Variants in RAD18 observed in about 807,000 individuals in gnomAD.
RAD18 encodes the protein E3 ubiquitin-protein ligase RAD18.
Under a neutral mutation model 60.4 loss-of-function variants are expected in RAD18, and 47 were observed. The observed-to-expected ratio is 0.78, with a 90% CI of 0.62 to 0.99. The LOEUF is 0.99. RAD18 is among the 50% of genes least tolerant of loss of function. RAD18 has a pLI of 0.00. For missense variants in RAD18, 640 were observed against 593.3 expected, an observed-to-expected ratio of 1.08 and a Z score of -0.82; for synonymous variants, 225 against 195.5, an observed-to-expected ratio of 1.15 and a Z score of -1.26.
intron 1 of RAD18, among the ~76,000 whole-genome samples, chr3:8,960,617 CATA>C (rs1941081854): frequency 6.6e-6 from 1 of 152,232 alleles, no homozygotes; most frequent in South Asian, 2.1e-4. Context: ...GCCAATAATA[CATA>C]ATAATAACAA....
rs1939429342 is a variant in RAD18 at position 8,879,920 on chromosome 3, T to C, written c.*1437A>G. 6.6e-6 allele frequency: 1 copy of C among 152,272 alleles called. No individual in the cohort carries two copies. The allele number at this position is 152,272 out of a possible 1,614,324, so 9.4% of individuals were successfully genotyped here. On this transcript the variant is annotated 3_prime_UTR_variant, in exon 13 of 13. Transcript: ENST00000264926. ...AATTTATAGACTATATAATTTGTCA[T>C]GAAACAAACAGTTTTCATTTTGACA...
At chr3:8,926,100 T>G (rs2125061052) in intron 7 of RAD18, among the ~76,000 whole-genome samples, 1 of 152,078 alleles carries the variant, frequency 6.6e-6, no homozygotes, top group East Asian at 1.9e-4. Flanking sequence ...GGTATTCAAT[T>G]AGGAAAAGAG....
intron 2 of RAD18, among the ~76,000 whole-genome samples, chr3:8,956,745 T>G (rs112718433): frequency 0.053 from 5,326 of 100,240 alleles, 134 homozygotes; most frequent in Middle Eastern, 0.07. Context: ...CACCCATTCA[T>G]GATTTAAAAA....
chr3:8,920,899 A>G (rs1940307397), intron 7 of RAD18, among the ~76,000 whole-genome samples: 1 of 152,250 alleles, frequency 6.6e-6, no homozygotes, highest in Non-Finnish European at 1.5e-5. Flanking sequence ...AAAAATCTAC[A>G]AAGGTTATTA....
intron 2 of RAD18, among the ~76,000 whole-genome samples, chr3:8,953,249 T>C (rs938724201): frequency 6.6e-6 from 1 of 150,540 alleles, no homozygotes; most frequent in African/African-American, 2.4e-5. Context: ...CCTATATAAG[T>C]ATACATTATA....
chr3:8,963,231 G>T (rs1941118823), intron 1 of RAD18, 104 bp downstream of exon 1: 1 of 1,289,264 alleles, frequency 7.8e-7, no homozygotes, highest in Non-Finnish European at 1.1e-6. Context: ...CCAGTGCGAC[G>T]CTCGCGCCTC....
intron 9 of RAD18, among the ~76,000 whole-genome samples, chr3:8,909,547 A>G (rs1007087076): frequency 6.6e-6 from 1 of 152,206 alleles, no homozygotes; most frequent in Admixed American, 6.5e-5. Context: ...ATGAAAGATA[A>G]AGAATCAGAA....
At chr3:8,916,964 C>T (rs1270555804) in intron 7 of RAD18, among the ~76,000 whole-genome samples, 1 of 151,880 alleles carries the variant, frequency 6.6e-6, no homozygotes, top group East Asian at 1.9e-4. Flanking sequence ...AGAAAGACAC[C>T]AAACCACAAA....
chr3:8,923,494 G>A (rs548095689), intron 7 of RAD18, among the ~76,000 whole-genome samples: 32 of 152,156 alleles, frequency 2.1e-4, no homozygotes, highest in African/African-American at 7.7e-4. Context: ...CACTCTGCAG[G>A]ATATTATCCA....
intron 11 of RAD18, among the ~76,000 whole-genome samples, chr3:8,891,076 ATATAT>A (rs751774746): frequency 2.2e-3 from 322 of 145,948 alleles, no homozygotes; most frequent in African/African-American, 7.8e-3. Context: ...TATATATAAA[ATATAT>A]ATATATATAT....
intron 2 of RAD18, among the ~76,000 whole-genome samples, chr3:8,951,334 G>A (rs1439867202): frequency 1.3e-5 from 2 of 152,264 alleles, no homozygotes; most frequent in Admixed American, 6.5e-5. Flanking sequence ...AGAGTGCACC[G>A]AAATATTTAG....
chr3:8,942,304 G>T (rs756110899), intron 4 of RAD18, among the ~76,000 whole-genome samples: 1 of 152,112 alleles, frequency 6.6e-6, no homozygotes, highest in Non-Finnish European at 1.5e-5. Flanking sequence ...CTCCCACTCT[G>T]TCTCTCTTGC....
chr3:8,938,206 C>T (rs11919126), intron 6 of RAD18, among the ~76,000 whole-genome samples: 5,506 of 152,140 alleles, frequency 0.036, 340 homozygotes, highest in African/African-American at 0.12. Flanking sequence ...ACAAACTTAC[C>T]CACTAGGTGG....
intron 7 of RAD18, among the ~76,000 whole-genome samples, chr3:8,921,846 T>C (rs1940326587): frequency 6.6e-6 from 1 of 152,254 alleles, no homozygotes; most frequent in Non-Finnish European, 1.5e-5. Context: ...ATTTATCTTT[T>C]CCATTTTTAT....
At position 8,941,657 on chromosome 3, in the gene RAD18, G is replaced by A. The variant is rs1272264625; in HGVS notation, c.414C>T (p.Ile138=). 1.9e-6 allele frequency: 3 copies of A among 1,613,946 alleles called. No individual in the cohort carries two copies. Among genetic ancestry groups the A allele is most frequent in the East Asian group, 2.2e-5 (1 of 44,884 alleles). Residue 138 remains isoleucine, a synonymous_variant, in exon 5 of 13, where the codon ATC becomes ATT. Coordinates refer to ENST00000264926, the MANE Select transcript of RAD18 (RefSeq NM_020165.4). The part of the protein sequence containing the change: ...QGSRLMDNFL[I]REMSGSTSEL... ...CTGATGTAGAACCACTCATTTCTCT[G>A]ATCAAGAAATTATCCATTAACCTGC...
At chr3:8,942,202 T>C (rs1038408605) in intron 4 of RAD18, among the ~76,000 whole-genome samples, 10 of 152,180 alleles carry the variant, frequency 6.6e-5, no homozygotes, top group Non-Finnish European at 1.5e-4. Context: ...TGAGGGCGAA[T>C]TTCTCATGAA....
Position 8,880,249 on chromosome 3 carries a change from G to A in RAD18, c.*1108C>T, listed in dbSNP as rs1290012910. On this transcript the variant is annotated 3_prime_UTR_variant, in exon 13 of 13. Transcript: ENST00000264926. ...ACCCCAAGGCATACCAAAAAGACAA[G>A]GTCAACGGAGACAGTCTTTGGAAGG... The A allele has an allele frequency of 6.6e-6, 1 of 152,188 alleles. No homozygotes were observed. The highest frequency in any genetic ancestry group is 1.5e-5 in the Non-Finnish European group (1 of 68,036). 9.4% of individuals were successfully genotyped at this position (152,188 alleles called of 1,614,324 possible). A position where few individuals can be genotyped will look rare whatever the true frequency, so the allele number is the denominator to read the frequency against.
At chr3:8,895,846 C>A (rs1222513478) in intron 11 of RAD18, among the ~76,000 whole-genome samples, 4 of 152,154 alleles carry the variant, frequency 2.6e-5, no homozygotes, top group Non-Finnish European at 2.9e-5. Context: ...TATAAGTATT[C>A]CTCCCCCTTT....
chr3:8,923,429 T>C (rs895159247), intron 7 of RAD18, among the ~76,000 whole-genome samples: 1 of 152,174 alleles, frequency 6.6e-6, no homozygotes, highest in Non-Finnish European at 1.5e-5. Context: ...AGACCAAATC[T>C]ACGTCTCACT....
Sources: allele counts gnomAD v4.1 joint callset (sites outside exome capture counted in the v4.1 genomes callset), GRCh38; gene constraint gnomAD v4.1.1; transcripts MANE v1.5; gene names NCBI Gene and HGNC (gene_info 2026-07-23, HGNC 2026-07-21).